Variants in NCKAP5 observed in about 807,000 individuals in gnomAD.
NCKAP5 encodes the protein NCK associated protein 5, also known as nck-associated protein 5.
Under a neutral mutation model 167.0 loss-of-function variants are expected in NCKAP5, and 92 were observed. The ratio of observed to expected loss-of-function variants is 0.55; its 90% CI spans 0.47 to 0.66. The LOEUF is 0.66. NCKAP5 is among the 30% of genes least tolerant of loss of function. The pLI is 0.00. For synonymous variants in NCKAP5, 891 were observed against 877.4 expected, an observed-to-expected ratio of 1.02 and a Z score of -0.27; for missense variants, 2,378 against 2,315.0, an observed-to-expected ratio of 1.03 and a Z score of -0.56.
intron 8 of NCKAP5, among the ~76,000 whole-genome samples, chr2:132,942,537 C>T (rs191718135): frequency 7.8e-4 from 118 of 152,080 alleles, no homozygotes; most frequent in Middle Eastern, 3.4e-3. Context: ...TTTATGTCTC[C>T]GATTAAAAAC....
At chr2:133,552,433 G>A (rs62179297) in intron 2 of NCKAP5, among the ~76,000 whole-genome samples, 3 of 145,348 alleles carry the variant, frequency 2.1e-5, no homozygotes, top group South Asian at 2.3e-4. Context: ...TGATGAGTTC[G>A]TGTCCTTTGT....
chr2:132,850,606 A>G (rs935215819), intron 11 of NCKAP5, among the ~76,000 whole-genome samples: 2 of 152,054 alleles, frequency 1.3e-5, no homozygotes, highest in African/African-American at 4.8e-5. Context: ...ACTACAAGGT[A>G]TCTGTTTGGG....
intron 4 of NCKAP5, among the ~76,000 whole-genome samples, chr2:133,283,096 GGAGTA>G (rs1360535281): frequency 1.3e-5 from 2 of 152,158 alleles, no homozygotes; most frequent in Non-Finnish European, 2.9e-5. Context: ...GAACATTATG[GGAGTA>G]GAGAAGGAGC....
At chr2:133,453,957 A>G (rs1422127442) in intron 3 of NCKAP5, among the ~76,000 whole-genome samples, 1 of 152,030 alleles carries the variant, frequency 6.6e-6, no homozygotes, top group African/African-American at 2.4e-5. Context: ...GCATGGTACA[A>G]TTCATCATGT....
intron 3 of NCKAP5, among the ~76,000 whole-genome samples, chr2:133,364,344 C>T (rs1178126390): frequency 1.3e-5 from 2 of 152,148 alleles, no homozygotes; most frequent in African/African-American, 2.4e-5. Context: ...TCTGACCTTA[C>T]AACAAACCAT....
chr2:133,608,023 G>C, the NCKAP5 span, among the ~76,000 whole-genome samples: 3 of 152,050 alleles, frequency 2.0e-5, no homozygotes, highest in South Asian at 2.1e-4. Context: ...TCAGTGATTT[G>C]GGAAACTTTT....
chr2:132,689,644 CTCTGTCA>C (rs1029796913), intron 19 of NCKAP5, among the ~76,000 whole-genome samples: 1 of 152,140 alleles, frequency 6.6e-6, no homozygotes, highest in Non-Finnish European at 1.5e-5. Flanking sequence ...GCTTATCAGT[CTCTGTCA>C]TCTGTCATCT....
At position 132,895,103 on chromosome 2, in the gene NCKAP5, G is replaced by A. The variant is rs537775360; in HGVS notation, c.580-16187C>T. Among the ~76,000 whole-genome samples, 476 of 152,108 alleles carry A rather than the reference G, an allele frequency of 3.1e-3. 1 individual carries two copies. The highest frequency in any genetic ancestry group is 5.4e-3 in the Non-Finnish European group (364 of 67,984). ...TCCCAGCACTTTGGGAGGCCAAGGC[G>A]GGCGGATCACAAGGTCAGGAGATGG... On this transcript the variant is annotated intron_variant, in intron 8 of 19. Coordinates refer to ENST00000409261, the MANE Select transcript of NCKAP5 (RefSeq NM_207363.3).
chr2:133,538,093 A>C (rs1201822816), intron 2 of NCKAP5, among the ~76,000 whole-genome samples: 1 of 152,186 alleles, frequency 6.6e-6, no homozygotes, highest in Non-Finnish European at 1.5e-5. Flanking sequence ...ATTGACTGCC[A>C]AAACGAACAA....
chr2:133,204,466 A>C (rs1255190256), intron 5 of NCKAP5, among the ~76,000 whole-genome samples: 2 of 152,148 alleles, frequency 1.3e-5, no homozygotes, highest in East Asian at 3.8e-4. Flanking sequence ...GTTCACACAC[A>C]CAGATCGACT....
In NCKAP5 at chr2:132,672,551, T is replaced by C. The variant is rs1212083139; in HGVS notation, c.*738A>G. Reference sequence around the variant, plus strand: ...TCCGATTTTTTGGCAGGCCCTGTTGTAGGTTTACAGAGTGTACCCACAAAC... The same window carrying C: ...TCCGATTTTTTGGCAGGCCCTGTTGCAGGTTTACAGAGTGTACCCACAAAC... On this transcript the variant is annotated 3_prime_UTR_variant, in exon 20 of 20. Transcript: ENST00000409261. 1 of 152,428 alleles carries C rather than the reference T, an allele frequency of 6.6e-6. No individual in the cohort carries two copies. Among genetic ancestry groups the C allele is most frequent in the Non-Finnish European group, 1.5e-5 (1 of 68,024 alleles). The allele number at this position is 152,428 out of a possible 1,614,324, so 9.4% of individuals were successfully genotyped here. A position where few individuals can be genotyped will look rare whatever the true frequency, so the allele number is the denominator to read the frequency against.
the NCKAP5 span, among the ~76,000 whole-genome samples, chr2:133,616,746 C>T: frequency 1.3e-5 from 2 of 151,960 alleles, no homozygotes; most frequent in Non-Finnish European, 1.5e-5. Context: ...GGTACCATTC[C>T]TTCTGAAACT....
chr2:133,433,194 G>A lies in NCKAP5; in HGVS notation c.69+84264C>T, dbSNP rs1690266511. ...TGTTATAAATTTGTATGACTTTAAT[G>A]TGGTAAATTGGACATTTTCTCTGTT... On this transcript the variant is annotated intron_variant, in intron 3 of 19. Transcript: ENST00000409261. 2.0e-5 allele frequency among the ~76,000 whole-genome samples: 3 copies of A among 152,312 alleles called. No homozygotes were observed. In the South Asian group the frequency reaches 6.2e-4, roughly 32 times the overall value.
At chr2:133,484,807 C>CA (rs58775743) in intron 3 of NCKAP5, among the ~76,000 whole-genome samples, 23,896 of 150,872 alleles carry the variant, frequency 0.16, 3,560 homozygotes, top group African/African-American at 0.39. Flanking sequence ...ATTCTAAAAT[C>CA]AAAAAAAAAT....
At chr2:133,051,334 A>G (rs1475166392) in intron 6 of NCKAP5, among the ~76,000 whole-genome samples, 3 of 152,200 alleles carry the variant, frequency 2.0e-5, no homozygotes, top group Non-Finnish European at 2.9e-5. Context: ...TATACTGAAC[A>G]CAAAGTAGGT....
Position 132,884,673 on chromosome 2 carries a change from T to C in NCKAP5, c.580-5757A>G, listed in dbSNP as rs186799516. Among the ~76,000 whole-genome samples, 24 of 152,320 alleles carry C rather than the reference T, an allele frequency of 1.6e-4. No homozygotes were observed. In the East Asian group the frequency reaches 4.6e-3, roughly 29 times the overall value. ...CATGATTTCTTTGGAGAAATTTACC[T>C]TTTGTGGAGTCTGCTGATTTTAGTA... On this transcript the variant is annotated intron_variant, in intron 8 of 19. Transcript: ENST00000409261.
At chr2:133,553,919 C>A (rs927714320) in intron 2 of NCKAP5, among the ~76,000 whole-genome samples, 1 of 152,162 alleles carries the variant, frequency 6.6e-6, no homozygotes, top group Non-Finnish European at 1.5e-5. Context: ...GGAATCTGAG[C>A]AGAGCTTAGC....
intron 3 of NCKAP5, among the ~76,000 whole-genome samples, chr2:133,442,921 CT>C (rs1690949714): frequency 6.6e-6 from 1 of 152,212 alleles, no homozygotes. Flanking sequence ...TACTCTTCAA[CT>C]GCATGTGAAT....
the NCKAP5 span, among the ~76,000 whole-genome samples, chr2:133,635,707 T>C: frequency 2.0e-5 from 3 of 152,166 alleles, no homozygotes; most frequent in Non-Finnish European, 4.4e-5. Context: ...CTACCAAATA[T>C]ACAGTCTTGT....
Sources: allele counts gnomAD v4.1 joint callset (sites outside exome capture counted in the v4.1 genomes callset), GRCh38; gene constraint gnomAD v4.1.1; transcripts MANE v1.5; gene names NCBI Gene and HGNC (gene_info 2026-07-23, HGNC 2026-07-21).